SGCG: variants seen among roughly 807,000 people sequenced by gnomAD.
SGCG encodes the protein sarcoglycan gamma, also known as gamma-sarcoglycan.
A neutral mutation model predicts 29.3 loss-of-function variants in SGCG; 26 were observed. The ratio of observed to expected loss-of-function variants is 0.89; its 90% confidence interval spans 0.65 to 1.23. SGCG has a LOEUF of 1.23. SGCG is among the 50% of genes most tolerant of loss of function. The pLI is 0.00. For missense variants in SGCG, 353 were observed against 356.0 expected (o/e 0.99, Z 0.07); for synonymous variants, 145 against 129.7 (o/e 1.12, Z -0.80).
intron 1 of SGCG, among the ~76,000 whole-genome samples, chr13:23,188,795 C>T (rs1877116320): frequency 1.3e-5 from 2 of 152,284 alleles, no homozygotes; most frequent in East Asian, 1.9e-4. Flanking sequence ...TGAAGCTCTG[C>T]AGTTCCTCTA....
chr13:23,224,961 A>T (rs906498512), intron 2 of SGCG, among the ~76,000 whole-genome samples: 1 of 152,072 alleles, frequency 6.6e-6, no homozygotes, highest in Non-Finnish European at 1.5e-5. Flanking sequence ...CTTGCCAGTG[A>T]GCACGGTCCC....
intron 4 of SGCG, among the ~76,000 whole-genome samples, chr13:23,275,579 A>G (rs1293129729): frequency 6.6e-6 from 1 of 152,020 alleles, no homozygotes; most frequent in Non-Finnish European, 1.5e-5. Flanking sequence ...TATCAGGGAC[A>G]TTTACTAGAA....
At chr13:23,188,765 C>A (rs1877114184) in intron 1 of SGCG, among the ~76,000 whole-genome samples, 3 of 152,140 alleles carry the variant, frequency 2.0e-5, no homozygotes, top group Admixed American at 1.3e-4. Flanking sequence ...GTAAATACTG[C>A]AGCCTAGCTC....
At chr13:23,210,731 C>T (rs536405150) in intron 2 of SGCG, among the ~76,000 whole-genome samples, 1 of 152,250 alleles carries the variant, frequency 6.6e-6, no homozygotes, top group Admixed American at 6.5e-5. Flanking sequence ...CCATTCATGC[C>T]TGCTAACTCA....
chr13:23,170,385 T>C, the SGCG span, among the ~76,000 whole-genome samples: 1 of 151,978 alleles, frequency 6.6e-6, no homozygotes, highest in Admixed American at 6.6e-5. Flanking sequence ...TGAAATGATT[T>C]AAATTAAATG....
intron 1 of SGCG, among the ~76,000 whole-genome samples, chr13:23,196,307 T>G (rs569469346): frequency 6.6e-4 from 101 of 152,262 alleles, no homozygotes; most frequent in Non-Finnish European, 2.1e-4. Flanking sequence ...TTCCTTTGGG[T>G]AAGTTACTAG....
At chr13:23,164,981 C>G in the SGCG span, among the ~76,000 whole-genome samples, 1 of 152,214 alleles carries the variant, frequency 6.6e-6, no homozygotes, top group Non-Finnish European at 1.5e-5. Flanking sequence ...AGCCCTCTCC[C>G]TCTCCTGTGG....
intron 2 of SGCG, among the ~76,000 whole-genome samples, chr13:23,206,151 T>G (rs1365337958): frequency 6.6e-6 from 1 of 152,222 alleles, no homozygotes; most frequent in Admixed American, 6.5e-5. Flanking sequence ...CATGTTTTAT[T>G]TATTTTAAAT....
At position 23,324,667 on chromosome 13, in the gene SGCG, G is replaced by A; in HGVS notation, c.*126G>A. On this transcript the variant is annotated 3_prime_UTR_variant, in exon 8 of 8. Transcript: ENST00000218867. Reference sequence around the variant, plus strand: ...AAGTAAACGCTTCCAGAGGAACTCAGAAAAAATTATGTGCCAGTGAAAGTG... The same window carrying A: ...AAGTAAACGCTTCCAGAGGAACTCAAAAAAAATTATGTGCCAGTGAAAGTG... 2 of 821,750 alleles carry A rather than the reference G, an allele frequency of 2.4e-6. No individual in the cohort carries two copies. The highest frequency in any genetic ancestry group is 1.4e-5 in the South Asian group (1 of 69,114). The allele number at this position is 821,750 out of a possible 1,614,324, so 50.9% of individuals were successfully genotyped here. A position where few individuals can be genotyped will look rare whatever the true frequency, so the allele number is the denominator to read the frequency against.
chr13:23,174,659 A>G, the SGCG span, among the ~76,000 whole-genome samples: 1 of 152,228 alleles, frequency 6.6e-6, no homozygotes, highest in African/African-American at 2.4e-5. Flanking sequence ...GAAAAGCCGT[A>G]ATGTCAATAT....
chr13:23,319,624 CTT>C (rs1044505946), intron 6 of SGCG, among the ~76,000 whole-genome samples: 2 of 152,200 alleles, frequency 1.3e-5, no homozygotes, highest in Non-Finnish European at 2.9e-5. Context: ...GTACTTCTCT[CTT>C]AAGCCACTTC....
intron 1 of SGCG, among the ~76,000 whole-genome samples, chr13:23,195,795 A>C (rs1877479649): frequency 6.6e-6 from 1 of 152,058 alleles, no homozygotes; most frequent in South Asian, 2.1e-4. Flanking sequence ...TGCTGTGCTG[A>C]GCAATTTGAC....
At chr13:23,252,706 AAAC>A (rs1880020809) in intron 4 of SGCG, among the ~76,000 whole-genome samples, 1 of 104,116 alleles carries the variant, frequency 9.6e-6, no homozygotes, top group African/African-American at 4.0e-5. Flanking sequence ...AAACAAAACA[AAAC>A]AAACAAACAA....
At chr13:23,272,383 A>C (rs1303998909) in intron 4 of SGCG, among the ~76,000 whole-genome samples, 1 of 152,202 alleles carries the variant, frequency 6.6e-6, no homozygotes, top group Non-Finnish European at 1.5e-5. Context: ...AATTTTGCCA[A>C]ATACTTTTTC....
chr13:23,219,268 C>T (rs900468994), intron 2 of SGCG, among the ~76,000 whole-genome samples: 1 of 151,974 alleles, frequency 6.6e-6, no homozygotes, highest in Non-Finnish European at 1.5e-5. Flanking sequence ...AGGATGGTCT[C>T]GATCTCCTGA....
the SGCG span, among the ~76,000 whole-genome samples, chr13:23,168,276 A>C: frequency 6.6e-6 from 1 of 152,076 alleles, no homozygotes; most frequent in Non-Finnish European, 1.5e-5. Context: ...TAGTGATCCT[A>C]TTTATTCCCT....
chr13:23,283,672 C>T (rs1881391855), intron 5 of SGCG, among the ~76,000 whole-genome samples: 1 of 152,138 alleles, frequency 6.6e-6, no homozygotes. Context: ...GCTAGCTGAT[C>T]ATTTTACCCA....
At chr13:23,245,381 C>T (rs573424016) in intron 3 of SGCG, 7 of 152,036 alleles carry the variant, frequency 4.6e-5, no homozygotes, top group South Asian at 2.1e-4. Flanking sequence ...AAGATAGCGA[C>T]GCTTAATTGA....
intron 2 of SGCG, among the ~76,000 whole-genome samples, chr13:23,222,863 G>C (rs1878724874): frequency 6.6e-6 from 1 of 152,038 alleles, no homozygotes; most frequent in Admixed American, 6.6e-5. Context: ...CTTATACTTT[G>C]AAACTTCCAT....
Sources: allele counts gnomAD v4.1 joint callset (sites outside exome capture counted in the v4.1 genomes callset), GRCh38; gene constraint gnomAD v4.1.1; transcripts MANE v1.5; gene names NCBI Gene and HGNC (gene_info 2026-07-23, HGNC 2026-07-21).